ADGRL3: variants seen among roughly 807,000 people sequenced by gnomAD.
ADGRL3 encodes adhesion G protein-coupled receptor L3.
In ADGRL3, 62 loss-of-function variants were observed where a neutral mutation model predicts 153.5. That is an observed-to-expected ratio of 0.40 (90% CI 0.33 to 0.50). The LOEUF (loss-of-function observed/expected upper bound fraction) is 0.50, where lower values mean the gene tolerates loss of function less well. ADGRL3 is among the 20% of genes least tolerant of loss of function. The pLI is 0.47. For synonymous variants in ADGRL3, 710 were observed against 672.5 expected, an observed-to-expected ratio of 1.06 and a Z score of -0.86; for missense variants, 1,641 against 1,859.4, an observed-to-expected ratio of 0.88 and a Z score of 2.16.
Position 61,201,279 on chromosome 4 carries a change from A to T in ADGRL3, c.-726A>T. 6.5e-6 allele frequency: 1 copy of T among 153,984 alleles called. No individual in the cohort carries two copies. Among genetic ancestry groups the T allele is most frequent in the East Asian group, 1.9e-4 (1 of 5,198 alleles). The allele number at this position is 153,984 out of a possible 1,614,324, so 9.5% of individuals were successfully genotyped here. ...TCTTTTCTTAAGCGGCGGCGGCAGCAGCAGCAGCAAGAGAAGGAGAAGCAG... is the reference window on the plus strand; with the variant it reads ...TCTTTTCTTAAGCGGCGGCGGCAGCTGCAGCAGCAAGAGAAGGAGAAGCAG... On this transcript the variant is annotated 5_prime_UTR_variant, in exon 1 of 27. Transcript: ENST00000683033.
At chr4:61,510,384 T>G (rs2098457140) in intron 3 of ADGRL3, among the ~76,000 whole-genome samples, 1 of 152,220 alleles carries the variant, frequency 6.6e-6, no homozygotes, top group Non-Finnish European at 1.5e-5. Context: ...ATTTTTATAG[T>G]TTAGGGTCTC....
intron 11 of ADGRL3, among the ~76,000 whole-genome samples, chr4:61,902,772 C>G (rs890197520): frequency 6.6e-6 from 1 of 152,164 alleles, no homozygotes; most frequent in African/African-American, 2.4e-5. Context: ...AGAAGCATTT[C>G]CTAAATTATT....
In ADGRL3 at chr4:61,717,196, A is replaced by ATGTGTGTGTG. The variant is rs780528173; in HGVS notation, c.584-13411_584-13402dup. On this transcript the variant is annotated intron_variant, in intron 6 of 26. Transcript: ENST00000683033. Reference sequence around the variant, plus strand: ...CCAAATTCTGTAGGCCACATAGTTTATGTGTGTGTGTGTGTGTGTGTGTGC... The same window carrying ATGTGTGTGTG: ...CCAAATTCTGTAGGCCACATAGTTTATGTGTGTGTGTGTGTGTGTGTGTGTGTGTGTGTGC... Among the ~76,000 whole-genome samples, 73 of 106,978 alleles carry ATGTGTGTGTG rather than the reference A, an allele frequency of 6.8e-4. 1 individual carries two copies. The highest frequency in any genetic ancestry group is 1.5e-3 in the African/African-American group (33 of 22,566). 70.2% of individuals were successfully genotyped at this position (106,978 alleles called of 152,430 possible).
chr4:61,919,072 A>G (rs2149947797), intron 13 of ADGRL3, among the ~76,000 whole-genome samples: 1 of 152,274 alleles, frequency 6.6e-6, no homozygotes, highest in Non-Finnish European at 1.5e-5. Flanking sequence ...GAGTCCTCTA[A>G]TGATTTGTGC....
chr4:61,946,385 T>A (rs1041617527), intron 15 of ADGRL3, among the ~76,000 whole-genome samples: 6 of 152,214 alleles, frequency 3.9e-5, no homozygotes, highest in Non-Finnish European at 8.8e-5. Context: ...TGTATTTACA[T>A]CTTTTGCCAT....
chr4:61,694,390 A>C (rs1428134132), intron 6 of ADGRL3, among the ~76,000 whole-genome samples: 14 of 151,944 alleles, frequency 9.2e-5, no homozygotes, highest in Admixed American at 1.3e-4. Context: ...TGCTAGAATA[A>C]AGGACATATT....
At chr4:61,352,072 T>C (rs1426492322) in intron 1 of ADGRL3, among the ~76,000 whole-genome samples, 1 of 152,120 alleles carries the variant, frequency 6.6e-6, no homozygotes, top group Non-Finnish European at 1.5e-5. Flanking sequence ...TTTGGATTCA[T>C]GGGGAAATAT....
At chr4:61,556,407 A>G (rs1238953342) in intron 4 of ADGRL3, among the ~76,000 whole-genome samples, 1 of 152,116 alleles carries the variant, frequency 6.6e-6, no homozygotes, top group African/African-American at 2.4e-5. Flanking sequence ...CTAAGGCAGA[A>G]TGAGCCGGGG....
intron 5 of ADGRL3, among the ~76,000 whole-genome samples, chr4:61,646,947 C>A (rs2094023116): frequency 6.6e-6 from 1 of 152,224 alleles, no homozygotes; most frequent in Non-Finnish European, 1.5e-5. Context: ...GGCGTAGGAC[C>A]CTCCGAGCCA....
At chr4:61,297,867 G>A (rs1198000061) in intron 1 of ADGRL3, among the ~76,000 whole-genome samples, 1 of 151,900 alleles carries the variant, frequency 6.6e-6, no homozygotes, top group Non-Finnish European at 1.5e-5. Context: ...CACTGCCACT[G>A]CTACTACTAC....
intron 13 of ADGRL3, among the ~76,000 whole-genome samples, chr4:61,923,567 G>A (rs948415765): frequency 2.0e-5 from 3 of 152,106 alleles, no homozygotes; most frequent in African/African-American, 2.4e-5. Context: ...CTTTCAGTGC[G>A]TGTCTCTGTA....
chr4:61,782,167 T>C (rs2097220837), intron 8 of ADGRL3, among the ~76,000 whole-genome samples: 1 of 152,166 alleles, frequency 6.6e-6, no homozygotes, highest in African/African-American at 2.4e-5. Flanking sequence ...GCAACATTGA[T>C]TGCATCCTAA....
At chr4:61,331,461 T>G (rs1036306488) in intron 1 of ADGRL3, among the ~76,000 whole-genome samples, 15 of 152,276 alleles carry the variant, frequency 9.9e-5, no homozygotes, top group African/African-American at 3.6e-4. Flanking sequence ...AGTTAAAAAT[T>G]TTTACACAGT....
chr4:61,705,023 T>C (rs930948230), intron 6 of ADGRL3, among the ~76,000 whole-genome samples: 5 of 152,178 alleles, frequency 3.3e-5, no homozygotes, highest in African/African-American at 1.2e-4. Context: ...TTGAACCACC[T>C]TCTAGTGATT....
intron 2 of ADGRL3, among the ~76,000 whole-genome samples, chr4:61,423,617 C>T (rs542850410): frequency 1.6e-4 from 24 of 152,218 alleles, no homozygotes; most frequent in East Asian, 5.8e-4. Flanking sequence ...TGGAGGCCAA[C>T]GGATTAGGGC....
chr4:61,567,549 T>G (rs2149077755), intron 4 of ADGRL3, among the ~76,000 whole-genome samples: 1 of 152,254 alleles, frequency 6.6e-6, no homozygotes, highest in East Asian at 1.9e-4. Flanking sequence ...CTAGACACCA[T>G]ATCTGTCAAC....
chr4:61,845,428 G>A (rs1405194894), intron 9 of ADGRL3, among the ~76,000 whole-genome samples: 2 of 151,948 alleles, frequency 1.3e-5, no homozygotes, highest in Admixed American at 6.6e-5. Context: ...ATGGCGCACT[G>A]CACCCTCACA....
intron 2 of ADGRL3, among the ~76,000 whole-genome samples, chr4:61,482,462 A>G (rs1010381569): frequency 2.0e-5 from 3 of 152,160 alleles, no homozygotes; most frequent in South Asian, 2.1e-4. Context: ...ATGACACTAT[A>G]TATCTTTCTG....
chr4:61,881,107 C>T (rs755331526), intron 9 of ADGRL3, among the ~76,000 whole-genome samples: 1 of 152,064 alleles, frequency 6.6e-6, no homozygotes, highest in South Asian at 2.1e-4. Flanking sequence ...TTTTGAGATA[C>T]GGTACTTGAA....
Sources: allele counts gnomAD v4.1 joint callset (sites outside exome capture counted in the v4.1 genomes callset), GRCh38; gene constraint gnomAD v4.1.1; transcripts MANE v1.5; gene names NCBI Gene and HGNC (gene_info 2026-07-23, HGNC 2026-07-21).